Variants in AP3D1 observed in about 807,000 individuals in gnomAD.
AP3D1 encodes the protein AP-3 complex subunit delta-1.
AP3D1 carries 51 observed loss-of-function variants against 147.6 expected under a neutral mutation model. That is an observed-to-expected ratio of 0.35 (90% CI 0.28 to 0.44). The LOEUF (loss-of-function observed/expected upper bound fraction) is 0.44. Ranked by LOEUF, AP3D1 falls within the 20% of genes least tolerant of loss-of-function variation. The pLI is 1.00. For missense variants in AP3D1, 1,421 were observed against 1,624.2 expected, an observed-to-expected ratio of 0.87 and a Z score of 2.15; for synonymous variants, 760 against 663.0, an observed-to-expected ratio of 1.15 and a Z score of -2.25.
intron 23 of AP3D1, 113 bp downstream of exon 23, chr19:2,113,223 C>A (rs1416759821): frequency 3.0e-6 from 2 of 665,162 alleles, no homozygotes; most frequent in Non-Finnish European, 5.2e-6. Context: ...CACAGGTGCA[C>A]GGTGCTGACC....
chr19:2,160,400 A>G (rs3803914), intron 1 of AP3D1, among the ~76,000 whole-genome samples: 10,439 of 152,166 alleles, frequency 0.069, 645 homozygotes, highest in African/African-American at 0.16. Context: ...GTGGTGGCGC[A>G]TGCCTGTAAT....
At chr19:2,151,854 T>A (rs1310371929), upstream of AP3D1, among the ~76,000 whole-genome samples, 3 of 152,248 alleles carry the variant, frequency 2.0e-5, no homozygotes, top group Non-Finnish European at 4.4e-5. Flanking sequence ...TCCCACCAGC[T>A]GACAGGTGTG....
upstream of AP3D1, among the ~76,000 whole-genome samples, chr19:2,153,797 T>C (rs1228498539): frequency 6.6e-6 from 1 of 152,220 alleles, no homozygotes; most frequent in Non-Finnish European, 1.5e-5. Context: ...ATGTGTGCGT[T>C]AGCATTGCAA....
chr19:2,123,713 G>C lies in AP3D1; in HGVS notation c.906+117C>G, dbSNP rs2072305. ...GGACGCGGCTGTGCCCTCCCAAGCCGCAAGATGGCGTGGGGGGACCAGCAC... is the reference window on the plus strand; with the variant it reads ...GGACGCGGCTGTGCCCTCCCAAGCCCCAAGATGGCGTGGGGGGACCAGCAC... On this transcript the variant is annotated intron_variant, in intron 10 of 31. Coordinates refer to ENST00000643116, the MANE Select transcript of AP3D1 (RefSeq NM_001261826.3). The C allele has an allele frequency of 0.24, 313,218 of 1,296,736 alleles. 39,529 individuals carry two copies. The highest frequency in any genetic ancestry group is 0.4 in the East Asian group (16,005 of 39,648). The allele number at this position is 1,296,736 out of a possible 1,614,324, so 80.3% of individuals were successfully genotyped here.
intron 1 of AP3D1, 100 bp from the exon 2 acceptor site, chr19:2,138,814 C>A: frequency 1.4e-5 from 12 of 843,692 alleles, no homozygotes; most frequent in Non-Finnish European, 2.4e-5. Context: ...GTAATCCCAG[C>A]ACTTTGGGAG....
intron 4 of AP3D1, among the ~76,000 whole-genome samples, chr19:2,135,241 A>G (rs2019046739): frequency 6.6e-6 from 1 of 151,522 alleles, no homozygotes. Context: ...AAATAAAATA[A>G]AAAACAAAAT....
Position 2,102,151 on chromosome 19 carries a change from G to T in AP3D1, c.*22C>A. On this transcript the variant is annotated 3_prime_UTR_variant, in exon 32 of 32. Transcript: ENST00000643116. ...CCCTGGGTACGTGCTCCGCGGGGTG[G>T]TGCGGGGCTCGCAGGCAGCTCTCAA... The T allele has an allele frequency of 6.3e-7, 1 of 1,596,346 alleles. No homozygotes were observed. The highest frequency in any genetic ancestry group is 8.6e-7 in the Non-Finnish European group (1 of 1,165,100).
rs371484246 is a variant in AP3D1, at chr19:2,111,761, T to G, written c.2855A>C (p.Lys952Thr). The G allele has an allele frequency of 7.4e-6, 12 of 1,611,898 alleles. No homozygotes were observed. The highest frequency in any genetic ancestry group is 2.2e-5 in the East Asian group (1 of 44,844). ...GCTGCCTGGAGGCTGCTTCTTGGAC[T>G]TCTTCTTGCCTTTGGTCCGCTCCTC... ...EKEERTKGKK[K>T]SKKQPPGSEE... The change falls in exon 25 of 32, where the codon AAG (lysine) becomes ACG (threonine). Residue 952 changes from lysine to threonine, a missense_variant. Lys to Thr is a moderately conservative substitution (Grantham distance 78). Coordinates refer to ENST00000643116, the MANE Select transcript of AP3D1 (RefSeq NM_001261826.3).
upstream of AP3D1, among the ~76,000 whole-genome samples, chr19:2,152,544 A>C (rs1326854275): frequency 6.6e-6 from 1 of 150,776 alleles, no homozygotes; most frequent in Non-Finnish European, 1.5e-5. Context: ...TCCGTCTAAA[A>C]AAAAAAGAGA....
intron 1 of AP3D1, among the ~76,000 whole-genome samples, chr19:2,150,022 G>C (rs966229232): frequency 1.3e-5 from 2 of 152,160 alleles, no homozygotes; most frequent in East Asian, 1.9e-4. Flanking sequence ...GGGTGGAGAA[G>C]AACAAAAATG....
intron 1 of AP3D1, among the ~76,000 whole-genome samples, chr19:2,147,416 CT>C (rs11285731): frequency 0.39 from 47,485 of 122,518 alleles, 9,178 homozygotes; most frequent in Non-Finnish European, 0.45. Flanking sequence ...CTTTTCCTTT[CT>C]TTTTTTTTTT....
intron 31 of AP3D1, among the ~76,000 whole-genome samples, chr19:2,105,606 C>T (rs767014753): frequency 2.0e-4 from 30 of 150,872 alleles, no homozygotes; most frequent in African/African-American, 5.6e-4. Flanking sequence ...AATCTCTGTT[C>T]GGGGCTCTCA....
chr19:2,141,885 G>T (rs766962598), intron 1 of AP3D1, among the ~76,000 whole-genome samples: 31 of 151,196 alleles, frequency 2.1e-4, no homozygotes, highest in Non-Finnish European at 4.0e-4. Flanking sequence ...AAATAGCTGG[G>T]ATTACAGGGC....
At chr19:2,113,629 C>T (rs1468468061) in intron 22 of AP3D1, among the ~76,000 whole-genome samples, 1 of 152,202 alleles carries the variant, frequency 6.6e-6, no homozygotes, top group African/African-American at 2.4e-5. Context: ...GGGCCGGGGA[C>T]AAAGCTGTGG....
chr19:2,149,191 C>T (rs1008453759), intron 1 of AP3D1, among the ~76,000 whole-genome samples: 3 of 152,094 alleles, frequency 2.0e-5, no homozygotes, highest in African/African-American at 4.8e-5. Context: ...ATCACCCACC[C>T]GCCAATGGCA....
intron 1 of AP3D1, among the ~76,000 whole-genome samples, chr19:2,148,153 A>G (rs1289612022): frequency 1.3e-5 from 2 of 151,866 alleles, no homozygotes; most frequent in African/African-American, 4.8e-5. Flanking sequence ...TCTCAAAAAA[A>G]AAAAAAAAAA....
intron 31 of AP3D1, among the ~76,000 whole-genome samples, chr19:2,104,665 AG>A: frequency 1.4e-5 from 2 of 138,762 alleles, no homozygotes; most frequent in South Asian, 4.5e-4. Flanking sequence ...CTCTGACACA[AG>A]TTTTTTTTTT....
At chr19:2,124,972 T>C (rs1417950269) in intron 9 of AP3D1, among the ~76,000 whole-genome samples, 1 of 152,010 alleles carries the variant, frequency 6.6e-6, no homozygotes, top group East Asian at 1.9e-4. Context: ...AATGATCTAA[T>C]GGACTCCAGG....
rs112138202 is a variant in AP3D1 at position 2,116,314 on chromosome 19, C to A, written c.2002-36G>T. 1,014 of 1,600,690 alleles carry A rather than the reference C, an allele frequency of 6.3e-4. 7 individuals carry two copies. In the African/African-American group the frequency reaches 0.012, roughly 19 times the overall value. ...CAGCTTGGCATGAGCCCGAGAGAAGCGGGCAGGATACCCCTCTGTGGACGT... is the reference window on the plus strand; with the variant it reads ...CAGCTTGGCATGAGCCCGAGAGAAGAGGGCAGGATACCCCTCTGTGGACGT... On this transcript the variant is annotated intron_variant, in intron 17 of 31. Transcript: ENST00000643116.
Sources: allele counts gnomAD v4.1 joint callset (sites outside exome capture counted in the v4.1 genomes callset), GRCh38; gene constraint gnomAD v4.1.1; transcripts MANE v1.5; gene names NCBI Gene and HGNC (gene_info 2026-07-23, HGNC 2026-07-21).